PHLDB3: variants seen among roughly 807,000 people sequenced by gnomAD.
The protein encoded by PHLDB3 is pleckstrin homology like domain family B member 3.
Under a neutral mutation model 85.7 loss-of-function variants are expected in PHLDB3, and 86 were observed. The ratio of observed to expected loss-of-function variants is 1.00; its 90% confidence interval spans 0.84 to 1.20. PHLDB3 has a LOEUF of 1.20. Among genes scored for constraint, PHLDB3 ranks in the 50% most tolerant of loss-of-function variants. The probability of loss-of-function intolerance (pLI) is 0.00; values close to 1 mark genes in which losing one functional copy is unlikely to be tolerated. For synonymous variants in PHLDB3, 376 were observed against 349.8 expected (o/e 1.07, Z -0.83); for missense variants, 995 against 873.0 (o/e 1.14, Z -1.76).
chr19:43,496,905 T>G (rs2682547), intron 6 of PHLDB3: 1 of 710,236 alleles, frequency 1.4e-6, no homozygotes, highest in Non-Finnish European at 2.0e-6. Flanking sequence ...ACTTGCCTCA[T>G]AAGTTTGTTG....
chr19:43,478,415 A>G (rs1482544263), intron 14 of PHLDB3, among the ~76,000 whole-genome samples: 1 of 152,118 alleles, frequency 6.6e-6, no homozygotes, highest in Non-Finnish European at 1.5e-5. Context: ...GGAGTGCTCA[A>G]GTGCTTTCTA....
In PHLDB3 at chr19:43,475,381, G is replaced by A. The variant is rs757323072; in HGVS notation, c.*29C>T. The stretch of plus-strand genomic sequence containing the variant: ...CGCCCCGCGCCGGCGGAGCCTCGAA[G>A]GGACTTCCCCCCAAGAGGGCGGGGC... On this transcript the variant is annotated 3_prime_UTR_variant, in exon 16 of 16. Transcript: ENST00000292140. The A allele has an allele frequency of 1.7e-5, 27 of 1,608,690 alleles. No homozygotes were observed. Among genetic ancestry groups the A allele is most frequent in the Middle Eastern group, 1.7e-4 (1 of 6,050 alleles).
In PHLDB3 at chr19:43,497,693, C is replaced by T. The variant is rs567936413; in HGVS notation, c.663+55G>A. The T allele has an allele frequency of 8.3e-5, 126 of 1,522,288 alleles. No homozygotes were observed. The African/African-American group carries it at 1.3e-3, about 15-fold the overall frequency. The allele number at this position is 1,522,288 out of a possible 1,614,324, so 94.3% of individuals were successfully genotyped here. A position where few individuals can be genotyped will look rare whatever the true frequency, so the allele number is the denominator to read the frequency against. The stretch of plus-strand genomic sequence containing the variant: ...CACCACTGCACTCCAGCCTGGGCAA[C>T]GAGGCGAGACTCTGTCTCAAAAAAA... On this transcript the variant is annotated intron_variant, in intron 5 of 15. Coordinates refer to ENST00000292140, the MANE Select transcript of PHLDB3 (RefSeq NM_198850.4).
intron 15 of PHLDB3, among the ~76,000 whole-genome samples, chr19:43,476,512 A>G (rs1970931259): frequency 6.6e-6 from 1 of 151,974 alleles, no homozygotes; most frequent in African/African-American, 2.4e-5. Flanking sequence ...AAACAAAACA[A>G]ATTAGCTGGG....
Position 43,497,192 on chromosome 19 carries a change from C to T in PHLDB3, c.751G>A (p.Asp251Asn), listed in dbSNP as rs756581225. 2 of 1,561,774 alleles carry T rather than the reference C, an allele frequency of 1.3e-6. No homozygotes were observed. The highest frequency in any genetic ancestry group is 3.9e-5 in the Admixed American group (2 of 51,406). Residue 251 changes from aspartate (D) to asparagine (N), a missense_variant, in exon 6 of 16, where the codon GAT becomes AAT. Asp to Asn is a conservative substitution (Grantham distance 23). Transcript: ENST00000292140. Reference sequence around the variant, plus strand: ...ACCTGGGGCCCAGGGCTGTCCCGATCCTCCTCCTCCTGCCGGCTCTCCCGC... The same window carrying T: ...ACCTGGGGCCCAGGGCTGTCCCGATTCTCCTCCTCCTGCCGGCTCTCCCGC... ...LERESRQEEE[D>N]RDSPGPQVPD...
intron 9 of PHLDB3, among the ~76,000 whole-genome samples, chr19:43,491,967 T>G (rs1457779813): frequency 1.4e-5 from 2 of 146,310 alleles, no homozygotes; most frequent in Non-Finnish European, 3.0e-5. Flanking sequence ...TTGTTTTTTT[T>G]TTTTTTGAGA....
At chr19:43,491,139 T>G (rs1447738400) in intron 9 of PHLDB3, among the ~76,000 whole-genome samples, 5 of 152,200 alleles carry the variant, frequency 3.3e-5, no homozygotes, top group African/African-American at 1.2e-4. Flanking sequence ...CCAAATATTT[T>G]CATATATGCA....
chr19:43,486,279 A>G lies in PHLDB3; in HGVS notation c.1472T>C (p.Val491Ala). The change falls in exon 13 of 16, where the codon GTT (valine) becomes GCT (alanine). Residue 491 changes from valine (V) to alanine (A), a missense_variant. Coordinates refer to ENST00000292140, the MANE Select transcript of PHLDB3 (RefSeq NM_198850.4). ...RGTEGSSGPA[V>A]PAITAPPTPP... The stretch of plus-strand genomic sequence containing the variant: ...GGTGGGACTGACCGTGATGGCAGGA[A>G]CAGCAGGGCCTGAGGAACCTTCCGT... 6.2e-7 allele frequency: 1 copy of G among 1,610,712 alleles called. No individual in the cohort carries two copies. The highest frequency in any genetic ancestry group is 8.5e-7 in the Non-Finnish European group (1 of 1,178,858).
Position 43,502,295 on chromosome 19 carries a change from G to T in PHLDB3, c.214-12C>A. The T allele has an allele frequency of 6.5e-7, 1 of 1,546,868 alleles. No homozygotes were observed. Among genetic ancestry groups the T allele is most frequent in the East Asian group, 2.4e-5 (1 of 41,540 alleles). On this transcript the variant is annotated splice_polypyrimidine_tract_variant and intron_variant, in intron 2 of 15. Transcript: ENST00000292140. ...GGCGTAGCCTCGGGCTGAAGTTGAG[G>T]GGGGCGTGGTTAAGTGGAGATGCCT...
intron 5 of PHLDB3, among the ~76,000 whole-genome samples, chr19:43,497,515 C>A (rs1347793763): frequency 6.6e-6 from 1 of 152,098 alleles, no homozygotes; most frequent in Non-Finnish European, 1.5e-5. Flanking sequence ...AGTTCGAAAC[C>A]AGCCTAGCCA....
At chr19:43,491,764 T>G (rs1163527171) in intron 9 of PHLDB3, among the ~76,000 whole-genome samples, 1 of 150,994 alleles carries the variant, frequency 6.6e-6, no homozygotes, top group African/African-American at 2.4e-5. Context: ...CCTCCCAGGT[T>G]CAAGCAATTC....
intron 13 of PHLDB3, among the ~76,000 whole-genome samples, chr19:43,484,640 A>T (rs2037260333): frequency 6.6e-6 from 1 of 152,210 alleles, no homozygotes; most frequent in South Asian, 2.1e-4. Flanking sequence ...TGAACCAGGG[A>T]GGCAGAGGTT....
chr19:43,497,003 T>TA (rs1971472549), intron 6 of PHLDB3, 115 bp downstream of exon 6: 1 of 1,289,872 alleles, frequency 7.8e-7, no homozygotes, highest in East Asian at 2.8e-5. Flanking sequence ...CTCTTGTTGT[T>TA]ACTATTCAGA....
In PHLDB3 at chr19:43,503,280, GTCTCTCTCTCTCTCTCTCTCTC is replaced by G. The variant is rs57901463; in HGVS notation, c.213+604_213+625del. 6.3e-5 allele frequency among the ~76,000 whole-genome samples: 9 copies of G among 141,996 alleles called. No homozygotes were observed. In the East Asian group the frequency reaches 1.9e-3, roughly 30 times the overall value. 93.2% of individuals were successfully genotyped at this position (141,996 alleles called of 152,430 possible). On this transcript the variant is annotated intron_variant, in intron 2 of 15. Transcript: ENST00000292140. ...GTAGTCTCTCCTGTCTGTCTATCTG[GTCTCTCTCTCTCTCTCTCTCTC>G]TCTCTCTCTCTCTCATTTTTAGAGA...
chr19:43,479,702 G>T, intron 13 of PHLDB3, 109 bp from the exon 14 acceptor site: 1 of 704,074 alleles, frequency 1.4e-6, no homozygotes, highest in South Asian at 1.8e-5. Flanking sequence ...GCCCGCTACA[G>T]CCTTTAGAGG....
At chr19:43,499,902 G>A (rs1390174495) in intron 4 of PHLDB3, among the ~76,000 whole-genome samples, 1 of 151,964 alleles carries the variant, frequency 6.6e-6, no homozygotes, top group African/African-American at 2.4e-5. Flanking sequence ...ACCACGCCCA[G>A]CTAATTTTTT....
In PHLDB3 at chr19:43,497,862, C is replaced by T. The variant is rs1971501306; in HGVS notation, c.549G>A (p.Leu183=). Reference sequence around the variant, plus strand: ...CCTCTAGGCGATCCCGTTCCTGGCTCAGCCGCCTCTGTTCCTGAAAGAACA... The same window carrying T: ...CCTCTAGGCGATCCCGTTCCTGGCTTAGCCGCCTCTGTTCCTGAAAGAACA... ...RQQREQEQRR[L]SQERDRLEGL... Residue 183 remains leucine (L), a synonymous_variant, in exon 5 of 16, where the codon CTG becomes CTA. Coordinates refer to ENST00000292140, the MANE Select transcript of PHLDB3 (RefSeq NM_198850.4). 2 of 1,587,732 alleles carry T rather than the reference C, an allele frequency of 1.3e-6. No homozygotes were observed. Among genetic ancestry groups the T allele is most frequent in the Admixed American group, 1.8e-5 (1 of 55,786 alleles).
chr19:43,498,868 A>T (rs1430712491), intron 4 of PHLDB3, among the ~76,000 whole-genome samples: 1 of 152,218 alleles, frequency 6.6e-6, no homozygotes, highest in Non-Finnish European at 1.5e-5. Flanking sequence ...AAAGTTGAAA[A>T]GTACAAGAAG....
intron 13 of PHLDB3, chr19:43,485,983 T>G: frequency 1.0e-6 from 1 of 985,394 alleles, no homozygotes; most frequent in South Asian, 4.7e-5. Flanking sequence ...AGCATGGACT[T>G]GTCCTCCTTC....
Sources: gnomAD v4.1 joint callset for allele counts (sites outside exome capture counted in the v4.1 genomes callset) on GRCh38, gnomAD v4.1.1 for gene constraint, MANE v1.5 for transcripts, NCBI Gene and HGNC (gene_info 2026-07-23, HGNC 2026-07-21) for gene names.